WDR72: variants seen among roughly 807,000 people sequenced by gnomAD.
WDR72 encodes the protein WD repeat domain 72.
Under a neutral mutation model 124.2 loss-of-function variants are expected in WDR72, and 120 were observed. That is an observed-to-expected ratio of 0.97 (90% CI 0.83 to 1.12). The LOEUF is 1.12. Ranked by LOEUF, WDR72 falls within the 50% of genes most tolerant of loss-of-function variation. The pLI, the probability that WDR72 is intolerant of heterozygous loss-of-function variation, is 0.00. For synonymous variants in WDR72, 452 were observed against 441.7 expected (o/e 1.02, Z -0.29); for missense variants, 1,387 against 1,278.8 (o/e 1.08, Z -1.29).
At position 53,597,166 on chromosome 15, in the gene WDR72, T is replaced by TA. The variant is rs2012818464; in HGVS notation, c.3060dup (p.Asn1021Ter). On this transcript the variant is annotated frameshift_variant, in exon 18 of 20. Coordinates refer to ENST00000360509, the MANE Select transcript of WDR72 (RefSeq NM_182758.4). LOFTEE classifies it high-confidence loss of function. ...GGCAGCATCTGCTTCATCTCACAGT[T>TA]ACCATTCTCTGCCATGGACACTGGT... 6.2e-7 allele frequency: 1 copy of TA among 1,613,852 alleles called. No individual in the cohort carries two copies.
intron 13 of WDR72, among the ~76,000 whole-genome samples, chr15:53,699,252 C>A (rs188569969): frequency 2.9e-4 from 44 of 152,286 alleles, no homozygotes; most frequent in African/African-American, 9.1e-4. Flanking sequence ...AAAGTTCAAA[C>A]TCTACATTCT....
chr15:53,685,892 T>C lies in WDR72; in HGVS notation c.1765+13858A>G, dbSNP rs1379592646. On this transcript the variant is annotated intron_variant, in intron 13 of 19. Coordinates refer to ENST00000360509, the MANE Select transcript of WDR72 (RefSeq NM_182758.4). ...AGAAACCCTACAAGCCAGAAGAGAGTGGGGGCCAATATTCAACATTCTTAA... is the reference window on the plus strand; with the variant it reads ...AGAAACCCTACAAGCCAGAAGAGAGCGGGGGCCAATATTCAACATTCTTAA... 5.5e-3 allele frequency among the ~76,000 whole-genome samples: 659 copies of C among 120,154 alleles called. 12 individuals are homozygous for C. Among genetic ancestry groups the C allele is most frequent in the African/African-American group, 0.022 (633 of 29,110 alleles). 78.8% of individuals were successfully genotyped at this position (120,154 alleles called of 152,430 possible).
At chr15:53,692,711 A>C (rs1331715009) in intron 13 of WDR72, among the ~76,000 whole-genome samples, 1 of 152,244 alleles carries the variant, frequency 6.6e-6, no homozygotes, top group Non-Finnish European at 1.5e-5. Context: ...ACGCACATGC[A>C]CAATATTGCA....
intron 1 of WDR72, among the ~76,000 whole-genome samples, chr15:53,752,376 A>G (rs2018796191): frequency 6.6e-6 from 1 of 152,174 alleles, no homozygotes. Context: ...GATTGGGGTG[A>G]GCTCCTAATC....
At chr15:53,746,469 A>G (rs1410048624) in intron 1 of WDR72, among the ~76,000 whole-genome samples, 1 of 152,230 alleles carries the variant, frequency 6.6e-6, no homozygotes, top group Admixed American at 6.5e-5. Flanking sequence ...TGACAATAAC[A>G]TCCTAACCAG....
intron 18 of WDR72, among the ~76,000 whole-genome samples, chr15:53,546,315 C>A (rs967365026): frequency 2.6e-5 from 4 of 151,996 alleles, no homozygotes; most frequent in Admixed American, 6.5e-5. Context: ...ACATATACAC[C>A]ATGGAATACT....
At chr15:53,548,409 T>C (rs1027893940) in intron 18 of WDR72, among the ~76,000 whole-genome samples, 5 of 152,158 alleles carry the variant, frequency 3.3e-5, no homozygotes, top group African/African-American at 1.2e-4. Context: ...TGCACTGGGA[T>C]TGGAATTCCT....
chr15:53,728,631 C>T (rs28501657), intron 2 of WDR72, among the ~76,000 whole-genome samples: 4,764 of 152,248 alleles, frequency 0.031, 263 homozygotes, highest in African/African-American at 0.11. Context: ...GAGTATTAGA[C>T]AGGCGGAAGA....
intron 14 of WDR72, among the ~76,000 whole-genome samples, chr15:53,660,411 A>G (rs1218011170): frequency 2.0e-5 from 3 of 152,260 alleles, no homozygotes; most frequent in African/African-American, 4.8e-5. Flanking sequence ...ATAAAATATA[A>G]AAGAACTAAC....
intron 14 of WDR72, among the ~76,000 whole-genome samples, chr15:53,649,129 T>C (rs1460093698): frequency 6.6e-6 from 1 of 151,986 alleles, no homozygotes; most frequent in African/African-American, 2.4e-5. Flanking sequence ...ATTGCAGAGG[T>C]CAAGAAACAA....
intron 13 of WDR72, among the ~76,000 whole-genome samples, chr15:53,674,806 C>T (rs2016109916): frequency 6.6e-6 from 1 of 152,064 alleles, no homozygotes; most frequent in Non-Finnish European, 1.5e-5. Context: ...ACCTTAACCC[C>T]AGCTCTGCCA....
Position 53,725,809 on chromosome 15 carries a change from T to C in WDR72, c.154-2901A>G, listed in dbSNP as rs182321446. Among the ~76,000 whole-genome samples the C allele has an allele frequency of 2.0e-3, 311 of 152,126 alleles. 3 individuals are homozygous for C. Among genetic ancestry groups the C allele is most frequent in the African/African-American group, 7.3e-3 (304 of 41,482 alleles). The stretch of plus-strand genomic sequence containing the variant: ...GGGTTTGTGGGGAGCAGGAGATAAA[T>C]AGATGGGGCACAGAGAATTTTTAGG... On this transcript the variant is annotated intron_variant, in intron 2 of 19. Transcript: ENST00000360509.
intron 18 of WDR72, among the ~76,000 whole-genome samples, chr15:53,566,017 T>A (rs1894284205): frequency 6.6e-6 from 1 of 151,946 alleles, no homozygotes; most frequent in Admixed American, 6.6e-5. Flanking sequence ...TCTACAGCAG[T>A]GTGGAAAATG....
chr15:53,618,958 A>T lies in WDR72; in HGVS notation c.1963-2715T>A, dbSNP rs144642284. On this transcript the variant is annotated intron_variant, in intron 14 of 19. Transcript: ENST00000360509. Reference sequence around the variant, plus strand: ...CCTCATGTGGGGCAATCCCTTCAAAATTTTTCTTTTAGTTTGCCAGTTGTC... The same window carrying T: ...CCTCATGTGGGGCAATCCCTTCAAATTTTTTCTTTTAGTTTGCCAGTTGTC... Among the ~76,000 whole-genome samples, 940 of 151,598 alleles carry T rather than the reference A, an allele frequency of 6.2e-3. 7 individuals carry two copies. Among genetic ancestry groups the T allele is most frequent in the Non-Finnish European group, 8.0e-3 (545 of 67,852 alleles).
intron 14 of WDR72, among the ~76,000 whole-genome samples, chr15:53,654,558 T>C (rs1445625627): frequency 6.6e-6 from 1 of 152,226 alleles, no homozygotes; most frequent in South Asian, 2.1e-4. Context: ...TGTGGCCCCA[T>C]AGCTGGGCCT....
At chr15:53,639,934 A>G (rs2014785171) in intron 14 of WDR72, among the ~76,000 whole-genome samples, 1 of 152,212 alleles carries the variant, frequency 6.6e-6, no homozygotes, top group Non-Finnish European at 1.5e-5. Flanking sequence ...GAGCCTAAAA[A>G]TACCAGATAA....
At chr15:53,614,180 A>T (rs2013665559) in intron 15 of WDR72, among the ~76,000 whole-genome samples, 1 of 152,096 alleles carries the variant, frequency 6.6e-6, no homozygotes, top group Non-Finnish European at 1.5e-5. Flanking sequence ...ACCCTAGGCC[A>T]GTGTTCTAAT....
intron 17 of WDR72, among the ~76,000 whole-genome samples, chr15:53,600,014 A>G (rs1176841455): frequency 1.3e-5 from 2 of 152,176 alleles, no homozygotes; most frequent in African/African-American, 4.8e-5. Flanking sequence ...TTAAAAGTGA[A>G]TACTGAATGG....
At position 53,615,877 on chromosome 15, in the gene WDR72, T is replaced by C; in HGVS notation, c.2329A>G (p.Lys777Glu). ...TTTCTTGATGGCTTAGGCTGCATTT[T>C]TTTGGAGATCTTCATTTTCTTCTGC... ...KRQKKMKISK[K>E]MQPKPSRKVD... Residue 777 changes from lysine to glutamate, a missense_variant, in exon 15 of 20, where the codon AAA (lysine) becomes GAA (glutamate). Lys to Glu is a moderately conservative substitution (Grantham distance 56). Coordinates refer to ENST00000360509, the MANE Select transcript of WDR72 (RefSeq NM_182758.4). The C allele has an allele frequency of 6.2e-7, 1 of 1,613,644 alleles. No individual in the cohort carries two copies. Among genetic ancestry groups the C allele is most frequent in the Non-Finnish European group, 8.5e-7 (1 of 1,179,700 alleles).
Sources: gnomAD v4.1 joint callset for allele counts (sites outside exome capture counted in the v4.1 genomes callset) on GRCh38, gnomAD v4.1.1 for gene constraint, MANE v1.5 for transcripts, NCBI Gene and HGNC (gene_info 2026-07-23, HGNC 2026-07-21) for gene names.